Variants in RHOU observed in about 807,000 individuals in gnomAD.
The protein encoded by RHOU is ras homolog family member U.
RHOU carries 8 observed loss-of-function variants against 12.6 expected under a neutral mutation model. The ratio of observed to expected loss-of-function variants is 0.64; its 90% CI spans 0.37 to 1.15. The LOEUF is 1.15. Ranked by LOEUF, RHOU falls within the 50% of genes most tolerant of loss-of-function variation. RHOU has a pLI of 0.01. For synonymous variants in RHOU, 161 were observed against 147.4 expected (o/e 1.09, Z -0.67); for missense variants, 258 against 347.0 (o/e 0.74, Z 2.04).
At chr1:228,722,828 G>A in the RHOU span, among the ~76,000 whole-genome samples, 1 of 152,022 alleles carries the variant, frequency 6.6e-6, no homozygotes, top group Admixed American at 6.6e-5. Context: ...TCACCACGTT[G>A]GCCAGGATGG....
chr1:228,682,236 T>C, the RHOU span, among the ~76,000 whole-genome samples: 1 of 152,322 alleles, frequency 6.6e-6, no homozygotes, highest in East Asian at 1.9e-4. Flanking sequence ...GAGATATTCC[T>C]TGGGCTGGTT....
the RHOU span, among the ~76,000 whole-genome samples, chr1:228,713,386 T>A: frequency 5.3e-5 from 8 of 152,150 alleles, no homozygotes; most frequent in Non-Finnish European, 1.5e-5. Flanking sequence ...TATGTGGCGG[T>A]TTCAGTGCCC....
chr1:228,705,902 G>A, the RHOU span, among the ~76,000 whole-genome samples: 4 of 152,224 alleles, frequency 2.6e-5, no homozygotes, highest in Admixed American at 6.5e-5. Flanking sequence ...AAAATTAGCC[G>A]GGCACGATGG....
chr1:228,695,488 A>C, the RHOU span, among the ~76,000 whole-genome samples: 1 of 152,124 alleles, frequency 6.6e-6, no homozygotes, highest in East Asian at 1.9e-4. Flanking sequence ...TCAGTCACAC[A>C]AGACTGCCCC....
the RHOU span, among the ~76,000 whole-genome samples, chr1:228,693,908 T>C: frequency 6.6e-6 from 1 of 152,248 alleles, no homozygotes; most frequent in Admixed American, 6.5e-5. Flanking sequence ...ATTAGAATAA[T>C]ATTTTAGAGC....
the RHOU span, among the ~76,000 whole-genome samples, chr1:228,646,827 C>G: frequency 5.9e-5 from 9 of 152,126 alleles, no homozygotes; most frequent in Middle Eastern, 3.4e-3. Context: ...CGGTGAAACA[C>G]AGACACACAC....
the RHOU span, among the ~76,000 whole-genome samples, chr1:228,680,967 A>G: frequency 6.6e-6 from 1 of 152,176 alleles, no homozygotes; most frequent in Non-Finnish European, 1.5e-5. Flanking sequence ...TGGCTCATGA[A>G]GCCGGTGATT....
the RHOU span, among the ~76,000 whole-genome samples, chr1:228,722,950 G>C: frequency 2.8e-4 from 42 of 152,072 alleles, no homozygotes; most frequent in Non-Finnish European, 4.9e-4. Context: ...GTAAACTCAA[G>C]ACCCAATGCT....
At chr1:228,705,820 G>A in the RHOU span, among the ~76,000 whole-genome samples, 3 of 152,282 alleles carry the variant, frequency 2.0e-5, 1 homozygote, top group South Asian at 6.2e-4. Context: ...GAGACGGGCA[G>A]ATCACCTGAG....
chr1:228,666,140 A>G, the RHOU span, among the ~76,000 whole-genome samples: 52,037 of 151,788 alleles, frequency 0.34, 9,152 homozygotes, highest in African/African-American at 0.44. Context: ...TTGTATTTTT[A>G]GTAGAAACAG....
the RHOU span, among the ~76,000 whole-genome samples, chr1:228,711,030 C>G: frequency 2.0e-5 from 3 of 151,916 alleles, no homozygotes; most frequent in Non-Finnish European, 2.9e-5. Flanking sequence ...AAACAGAGAG[C>G]CAAATCATGA....
the RHOU span, among the ~76,000 whole-genome samples, chr1:228,647,509 A>T: frequency 6.6e-6 from 1 of 152,206 alleles, no homozygotes; most frequent in Admixed American, 6.5e-5. Flanking sequence ...CGGGTAAAGC[A>T]GTCCATGCGT....
the RHOU span, among the ~76,000 whole-genome samples, chr1:228,656,501 G>C: frequency 6.6e-6 from 1 of 151,982 alleles, no homozygotes; most frequent in Admixed American, 6.6e-5. Flanking sequence ...CTATGTTTTT[G>C]GACCCATAAT....
the RHOU span, among the ~76,000 whole-genome samples, chr1:228,694,432 G>A: frequency 3.3e-5 from 5 of 152,180 alleles, no homozygotes; most frequent in South Asian, 6.2e-4. Context: ...CCATCACTTA[G>A]GTATTTTGCC....
the RHOU span, among the ~76,000 whole-genome samples, chr1:228,726,247 G>C: frequency 6.6e-6 from 1 of 152,166 alleles, no homozygotes; most frequent in Non-Finnish European, 1.5e-5. Flanking sequence ...GGGTGCTACT[G>C]TTGTTCTGTC....
chr1:228,648,252 C>T, the RHOU span, among the ~76,000 whole-genome samples: 1 of 152,262 alleles, frequency 6.6e-6, no homozygotes, highest in African/African-American at 2.4e-5. Flanking sequence ...TTGCTTGCGC[C>T]TAGGCCACTC....
At chr1:228,725,422 G>GCCACAGCGCCCTCC in the RHOU span, among the ~76,000 whole-genome samples, 1 of 151,838 alleles carries the variant, frequency 6.6e-6, no homozygotes, top group Non-Finnish European at 1.5e-5. Context: ...GGGGGCTGTG[G>GCCACAGCGCCCTCC]CCCTGAGCTT....
At chr1:228,707,253 ATAGTGTGT>A in the RHOU span, among the ~76,000 whole-genome samples, 7,942 of 76,602 alleles carry the variant, frequency 0.1, 435 homozygotes, top group African/African-American at 0.24. Context: ...ATATATATAT[ATAGTGTGT>A]GTGTGTGTGT....
chr1:228,658,333 A>G, the RHOU span, among the ~76,000 whole-genome samples: 2 of 150,646 alleles, frequency 1.3e-5, no homozygotes, highest in Admixed American at 1.3e-4. Flanking sequence ...TCTTTAGGTG[A>G]TTATCTCATG....
Sources: gnomAD v4.1 joint callset for allele counts (sites outside exome capture counted in the v4.1 genomes callset) on GRCh38, gnomAD v4.1.1 for gene constraint, MANE v1.5 for transcripts, NCBI Gene and HGNC (gene_info 2026-07-23, HGNC 2026-07-21) for gene names.